The following PPP1R14C variants were observed in gnomAD, a reference collection of about 807,000 sequenced individuals.
The protein encoded by PPP1R14C is protein phosphatase 1 regulatory inhibitor subunit 14C, also known as protein phosphatase 1 regulatory subunit 14C.
In PPP1R14C, 16 loss-of-function variants were observed where a neutral mutation model predicts 20.4. The observed-to-expected ratio is 0.78, with a 90% CI of 0.53 to 1.19. The LOEUF (loss-of-function observed/expected upper bound fraction) is 1.19, where lower values mean the gene tolerates loss of function less well. PPP1R14C is among the 50% of genes most tolerant of loss of function. PPP1R14C has a pLI of 0.00. For synonymous variants in PPP1R14C, 91 were observed against 91.0 expected (o/e 1.00, Z 0.00); for missense variants, 211 against 220.1 (o/e 0.96, Z 0.26).
rs1778080732 is a variant in PPP1R14C, at chr6:150,215,552, G to A, written c.390+725G>A. ...AAATGGCCACTACGGCAATCAAAGGGCACATTTGAATGTATTAATGTGTTT... is the reference window on the plus strand; with the variant it reads ...AAATGGCCACTACGGCAATCAAAGGACACATTTGAATGTATTAATGTGTTT... On this transcript the variant is annotated intron_variant, in intron 2 of 3. Coordinates refer to ENST00000361131, the MANE Select transcript of PPP1R14C (RefSeq NM_030949.3). Among the ~76,000 whole-genome samples, 3 of 152,160 alleles carry A rather than the reference G, an allele frequency of 2.0e-5. No homozygotes were observed. The South Asian group carries it at 6.2e-4, about 32-fold the overall frequency.
chr6:150,208,023 C>T (rs1026073237), intron 1 of PPP1R14C, among the ~76,000 whole-genome samples: 4 of 152,108 alleles, frequency 2.6e-5, no homozygotes, highest in Admixed American at 2.6e-4. Context: ...GGGGCTGATC[C>T]ACTTTATAAC....
At chr6:150,234,571 T>C (rs1195469495) in intron 3 of PPP1R14C, among the ~76,000 whole-genome samples, 1 of 152,118 alleles carries the variant, frequency 6.6e-6, no homozygotes, top group Non-Finnish European at 1.5e-5. Context: ...TCAAGCCAGC[T>C]GGGCATGGTG....
intron 2 of PPP1R14C, 53 bp downstream of exon 2, chr6:150,214,880 A>G: frequency 3.0e-6 from 4 of 1,319,668 alleles, no homozygotes; most frequent in Non-Finnish European, 3.2e-6. Flanking sequence ...TTGAGAGTCT[A>G]CTTGGGTCTT....
At chr6:150,171,899 G>A (rs1777504157) in intron 1 of PPP1R14C, among the ~76,000 whole-genome samples, 1 of 151,976 alleles carries the variant, frequency 6.6e-6, no homozygotes, top group South Asian at 2.1e-4. Context: ...TCTGCCTCCC[G>A]GGTTCAAATG....
chr6:150,192,157 T>C (rs1228976867), intron 1 of PPP1R14C, among the ~76,000 whole-genome samples: 4 of 152,234 alleles, frequency 2.6e-5, no homozygotes, highest in African/African-American at 4.8e-5. Context: ...CCATTCATTC[T>C]GTGGGCTTGA....
At chr6:150,196,624 C>G (rs1406823033) in intron 1 of PPP1R14C, among the ~76,000 whole-genome samples, 1 of 152,128 alleles carries the variant, frequency 6.6e-6, no homozygotes, top group Non-Finnish European at 1.5e-5. Flanking sequence ...AGAACTTGTC[C>G]CATTAGTATT....
chr6:150,149,055 T>C (rs1237004768), intron 1 of PPP1R14C, among the ~76,000 whole-genome samples: 6 of 151,214 alleles, frequency 4.0e-5, no homozygotes, highest in African/African-American at 2.4e-5. Context: ...ACAGCCTGCC[T>C]CAAATAAAAA....
chr6:150,170,602 G>A (rs544595763), intron 1 of PPP1R14C, among the ~76,000 whole-genome samples: 29 of 152,182 alleles, frequency 1.9e-4, no homozygotes, highest in African/African-American at 5.8e-4. Flanking sequence ...AATTACAGGC[G>A]TGAGCCACTG....
At chr6:150,160,133 A>G (rs909052495) in intron 1 of PPP1R14C, among the ~76,000 whole-genome samples, 1 of 151,982 alleles carries the variant, frequency 6.6e-6, no homozygotes, top group African/African-American at 2.4e-5. Flanking sequence ...GTGGCTTATT[A>G]CTGTTGATAT....
intron 3 of PPP1R14C, among the ~76,000 whole-genome samples, chr6:150,228,149 C>T (rs577112276): frequency 6.6e-6 from 1 of 152,290 alleles, no homozygotes; most frequent in East Asian, 1.9e-4. Flanking sequence ...AAAATCAACC[C>T]AGAAATGTTA....
At chr6:150,144,863 A>C (rs1474917695) in intron 1 of PPP1R14C, among the ~76,000 whole-genome samples, 1 of 152,284 alleles carries the variant, frequency 6.6e-6, no homozygotes, top group Non-Finnish European at 1.5e-5. Context: ...AGAAGTATTC[A>C]TGAGATTTTT....
intron 1 of PPP1R14C, among the ~76,000 whole-genome samples, chr6:150,187,247 C>CTG (rs61153538): frequency 0.085 from 12,030 of 141,348 alleles, 519 homozygotes; most frequent in East Asian, 0.12. Flanking sequence ...TTCTCTTTCT[C>CTG]TGTGTGTGTG....
chr6:150,248,524 C>T (rs1778520748), intron 3 of PPP1R14C, among the ~76,000 whole-genome samples: 1 of 152,142 alleles, frequency 6.6e-6, no homozygotes, highest in Admixed American at 6.5e-5. Flanking sequence ...AGCCTGGTTT[C>T]CCCCGTAAAG....
rs1457237915 is a variant in PPP1R14C at position 150,201,486 on chromosome 6, G to A, written c.307-13258G>A. Among the ~76,000 whole-genome samples the A allele has an allele frequency of 2.0e-5, 3 of 152,190 alleles. No homozygotes were observed. The highest frequency in any genetic ancestry group is 6.5e-5 in the Admixed American group (1 of 15,280). ...TGGCTGGGGAGTGTCCTGAGGGATCGGAGGAGACCAGCGGAGTTAGAGCTC... is the reference window on the plus strand; with the variant it reads ...TGGCTGGGGAGTGTCCTGAGGGATCAGAGGAGACCAGCGGAGTTAGAGCTC... On this transcript the variant is annotated intron_variant, in intron 1 of 3. Coordinates refer to ENST00000361131, the MANE Select transcript of PPP1R14C (RefSeq NM_030949.3). The surrounding 1 kb of genome is among the most constrained non-coding windows in gnomAD (Gnocchi z 4.2).
At chr6:150,175,236 G>A (rs899031983) in intron 1 of PPP1R14C, among the ~76,000 whole-genome samples, 5 of 152,134 alleles carry the variant, frequency 3.3e-5, no homozygotes, top group African/African-American at 9.7e-5. Flanking sequence ...TTGTAGCGAT[G>A]GAACCAGGCA....
chr6:150,154,463 G>A (rs1777283881), intron 1 of PPP1R14C, among the ~76,000 whole-genome samples: 1 of 152,058 alleles, frequency 6.6e-6, no homozygotes, highest in Non-Finnish European at 1.5e-5. Context: ...TTGTTTTCAG[G>A]TTTTCTTTCT....
chr6:150,247,049 T>C (rs1358797716), intron 3 of PPP1R14C, among the ~76,000 whole-genome samples: 2 of 152,168 alleles, frequency 1.3e-5, no homozygotes, highest in Non-Finnish European at 2.9e-5. Context: ...ACTTTTATAA[T>C]AGGGAAAAGA....
chr6:150,228,576 A>G (rs1778256278), intron 3 of PPP1R14C, among the ~76,000 whole-genome samples: 1 of 152,184 alleles, frequency 6.6e-6, no homozygotes, highest in Non-Finnish European at 1.5e-5. Context: ...GCTTAATCAC[A>G]TAGACATAGT....
chr6:150,188,638 C>T (rs1208826155), intron 1 of PPP1R14C, among the ~76,000 whole-genome samples: 4 of 150,916 alleles, frequency 2.7e-5, no homozygotes, highest in African/African-American at 9.7e-5. Context: ...AGGCGCCCAC[C>T]ACCACGCCCG....
Sources: allele counts gnomAD v4.1 joint callset (sites outside exome capture counted in the v4.1 genomes callset), GRCh38; gene constraint gnomAD v4.1.1; non-coding constraint Gnocchi (gnomAD v3.1); transcripts MANE v1.5; gene names NCBI Gene and HGNC (gene_info 2026-07-23, HGNC 2026-07-21).